Variants in ITPKB observed in about 807,000 individuals in gnomAD.
The protein encoded by ITPKB is IP3 3-kinase B.
Under a neutral mutation model 69.4 loss-of-function variants are expected in ITPKB, and 13 were observed. The ratio of observed to expected loss-of-function variants is 0.19; its 90% CI spans 0.12 to 0.30. The LOEUF is 0.30. Ranked by LOEUF, ITPKB falls within the 10% of genes least tolerant of loss-of-function variation. The pLI, the probability that ITPKB is intolerant of heterozygous loss-of-function variation, is 1.00. For missense variants in ITPKB, 1,240 were observed against 1,250.5 expected (o/e 0.99, Z 0.13); for synonymous variants, 584 against 513.7 (o/e 1.14, Z -1.85).
At chr1:226,676,132 A>G (rs1669725785) in intron 2 of ITPKB, 1 of 152,206 alleles carries the variant, frequency 6.6e-6, no homozygotes. Flanking sequence ...TCCATTTAGT[A>G]AAATGAACAT....
At chr1:226,697,437 A>G (rs1174176974) in intron 2 of ITPKB, among the ~76,000 whole-genome samples, 1 of 152,236 alleles carries the variant, frequency 6.6e-6, no homozygotes, top group Non-Finnish European at 1.5e-5. Flanking sequence ...ACTGTGATGC[A>G]GACACAGCCC....
intron 2 of ITPKB, among the ~76,000 whole-genome samples, chr1:226,687,943 G>T (rs933829643): frequency 6.6e-6 from 1 of 152,186 alleles, no homozygotes; most frequent in African/African-American, 2.4e-5. Context: ...ACAACCTCAA[G>T]AGTCTTTGCC....
At chr1:226,704,701 T>C (rs1656759604) in intron 2 of ITPKB, among the ~76,000 whole-genome samples, 1 of 152,230 alleles carries the variant, frequency 6.6e-6, no homozygotes, top group Non-Finnish European at 1.5e-5. Flanking sequence ...CAGAGATCAT[T>C]GGCTACTTAA....
intron 2 of ITPKB, among the ~76,000 whole-genome samples, chr1:226,715,169 A>G (rs1048272233): frequency 2.6e-5 from 4 of 152,216 alleles, no homozygotes; most frequent in Admixed American, 1.3e-4. Context: ...TGCCTCCTCT[A>G]CTAAACTTCG....
chr1:226,702,078 C>A (rs979097726), intron 2 of ITPKB, among the ~76,000 whole-genome samples: 3 of 152,104 alleles, frequency 2.0e-5, no homozygotes, highest in Non-Finnish European at 2.9e-5. Flanking sequence ...CTATGTTGAG[C>A]AGGGAAATTA....
intron 2 of ITPKB, among the ~76,000 whole-genome samples, chr1:226,724,797 G>A (rs1318859461): frequency 5.3e-5 from 8 of 152,208 alleles, no homozygotes; most frequent in Non-Finnish European, 5.9e-5. Context: ...GGGTCCTCCC[G>A]AGAGCATAGC....
At chr1:226,646,260 G>A in intron 4 of ITPKB, among the ~76,000 whole-genome samples, 1 of 152,200 alleles carries the variant, frequency 6.6e-6, no homozygotes, top group East Asian at 1.9e-4. Flanking sequence ...CCGCACGCTG[G>A]ACACCATGGG....
chr1:226,649,599 G>A lies in ITPKB; in HGVS notation c.1933-828C>T, dbSNP rs573460788. On this transcript the variant is annotated intron_variant, in intron 2 of 7. Coordinates refer to ENST00000429204, the MANE Select transcript of ITPKB (RefSeq NM_002221.4). ...AGTGTGTGCGTGTGCATGTGTGTGCGTGCATGTGTGTTTGGGGAGAGCAGG... is the reference window on the plus strand; with the variant it reads ...AGTGTGTGCGTGTGCATGTGTGTGCATGCATGTGTGTTTGGGGAGAGCAGG... Among the ~76,000 whole-genome samples the A allele has an allele frequency of 2.0e-4, 30 of 152,304 alleles. No homozygotes were observed. In the South Asian group the frequency reaches 3.1e-3, roughly 16 times the overall value.
Position 226,639,601 on chromosome 1 carries a change from T to C in ITPKB, c.2509A>G (p.Thr837Ala), listed in dbSNP as rs1321301160. 1.2e-6 allele frequency: 2 copies of C among 1,613,966 alleles called. No individual in the cohort carries two copies. The highest frequency in any genetic ancestry group is 2.7e-5 in the African/African-American group (2 of 74,932). ...TTAGTGAACTCTCTGAAGGCCTCGG[T>C]GACCTGCTCCCTCGTTTTGGTCTTC... ...FKKTKTREQV[T>A]EAFREFTKGN... is the part of the protein sequence containing the mutation. Residue 837 changes from threonine to alanine, a missense_variant, in exon 6 of 8, where the codon ACC becomes GCC. Physicochemically the swap from Thr to Ala is moderately conservative, Grantham distance 58. Transcript: ENST00000429204.
intron 2 of ITPKB, among the ~76,000 whole-genome samples, chr1:226,695,537 G>A (rs933607439): frequency 6.6e-6 from 1 of 152,136 alleles, no homozygotes; most frequent in Middle Eastern, 3.2e-3. Context: ...GCACTGACAG[G>A]GCAAGCAGTC....
At chr1:226,693,307 C>G (rs1339282050) in intron 2 of ITPKB, among the ~76,000 whole-genome samples, 5 of 152,218 alleles carry the variant, frequency 3.3e-5, no homozygotes, top group Non-Finnish European at 7.3e-5. Context: ...CCACCATGCC[C>G]TTCCTTTCCC....
intron 2 of ITPKB, among the ~76,000 whole-genome samples, chr1:226,654,993 G>A (rs1420440876): frequency 6.6e-6 from 1 of 150,622 alleles, no homozygotes; most frequent in Non-Finnish European, 1.5e-5. Context: ...AGAAGGGAGA[G>A]CAGGAGGAGG....
At position 226,737,104 on chromosome 1, in the gene ITPKB, G is replaced by T. The variant is rs202228212; in HGVS notation, c.355C>A (p.Leu119Ile). ...DRQQVVAAGT[L>I]SPPGPEEAKR... ...GCCTCCTCCGGCCCTGGCGGGGAGA[G>T]GGTACCGGCTGCCACCACCTGCTGC... is the stretch of plus-strand genomic sequence containing the variant. The change falls in exon 2 of 8, where the codon CTC (leucine) becomes ATC (isoleucine). Residue 119 changes from leucine (L) to isoleucine (I), a missense_variant. Leu to Ile is a conservative substitution (Grantham distance 5). This residue lies in a region of ITPKB where 992 missense variants were observed against 853.8 expected (regional missense o/e 1.16). Transcript: ENST00000429204. 1 of 1,606,826 alleles carries T rather than the reference G, an allele frequency of 6.2e-7. No individual in the cohort carries two copies. The highest frequency in any genetic ancestry group is 1.3e-5 in the African/African-American group (1 of 75,056).
intron 2 of ITPKB, among the ~76,000 whole-genome samples, chr1:226,711,514 CCAGATGCT>C (rs1380341300): frequency 5.3e-5 from 8 of 150,850 alleles, no homozygotes; most frequent in African/African-American, 2.0e-4. Context: ...GCCCAGATGC[CCAGATGCT>C]CAGTGACCTT....
chr1:226,659,849 T>A (rs1480512802), intron 2 of ITPKB, among the ~76,000 whole-genome samples: 2 of 151,890 alleles, frequency 1.3e-5, no homozygotes, highest in East Asian at 3.9e-4. Context: ...CTTCTCTATG[T>A]CCCCCAGGCT....
At chr1:226,664,642 C>T (rs146696657) in intron 2 of ITPKB, among the ~76,000 whole-genome samples, 1 of 152,268 alleles carries the variant, frequency 6.6e-6, no homozygotes, top group East Asian at 1.9e-4. Flanking sequence ...TTCCCCTTAA[C>T]TTTCAATGCT....
chr1:226,729,583 T>C (rs1364371657), intron 2 of ITPKB, among the ~76,000 whole-genome samples: 4 of 151,896 alleles, frequency 2.6e-5, no homozygotes, highest in Admixed American at 6.6e-5. Flanking sequence ...TGTTTTGTTT[T>C]TGTTTTTGTT....
intron 2 of ITPKB, among the ~76,000 whole-genome samples, chr1:226,660,780 C>T (rs1320053505): frequency 2.0e-5 from 3 of 152,132 alleles, no homozygotes; most frequent in Non-Finnish European, 2.9e-5. Flanking sequence ...GGGAAGAGCA[C>T]GAGGCGGATG....
intron 2 of ITPKB, among the ~76,000 whole-genome samples, chr1:226,654,362 G>A (rs886272120): frequency 5.3e-5 from 8 of 152,160 alleles, no homozygotes; most frequent in Non-Finnish European, 8.8e-5. Context: ...CCCAGCTCCC[G>A]ATTCTGCTCC....
Sources: allele counts gnomAD v4.1 joint callset (sites outside exome capture counted in the v4.1 genomes callset), GRCh38; gene constraint gnomAD v4.1.1; regional missense constraint gnomAD v4.1.1; transcripts MANE v1.5; gene names NCBI Gene and HGNC (gene_info 2026-07-23, HGNC 2026-07-21).